Variants in FDFT1 observed in about 807,000 individuals in gnomAD.
The protein encoded by FDFT1 is squalene synthase.
A neutral mutation model predicts 46.8 loss-of-function variants in FDFT1; 68 were observed. The ratio of observed to expected loss-of-function variants is 1.45; its 90% CI spans 1.19 to 1.78. The LOEUF (loss-of-function observed/expected upper bound fraction) is 1.78, where lower values mean the gene tolerates loss of function less well. Ranked by LOEUF, FDFT1 falls within the 40% of genes most tolerant of loss-of-function variation. The pLI, the probability that FDFT1 is intolerant of heterozygous loss-of-function variation, is 0.00. For missense variants in FDFT1, 928 were observed against 524.4 expected, an observed-to-expected ratio of 1.77 and a Z score of -7.52; for synonymous variants, 351 against 185.1, an observed-to-expected ratio of 1.90 and a Z score of -7.28.
intron 3 of FDFT1, among the ~76,000 whole-genome samples, chr8:11,815,019 G>GC (rs1169161395): frequency 6.6e-6 from 1 of 151,924 alleles, no homozygotes; most frequent in Non-Finnish European, 1.5e-5. Flanking sequence ...CCCTCCCTTG[G>GC]CCCCCCACCC....
intron 4 of FDFT1, among the ~76,000 whole-genome samples, chr8:11,823,616 C>G (rs980814463): frequency 2.0e-5 from 3 of 152,074 alleles, no homozygotes; most frequent in Non-Finnish European, 4.4e-5. Context: ...ACTCTGTCAC[C>G]CAGACTGGAA....
chr8:11,798,421 T>C (rs549374102), upstream of FDFT1, among the ~76,000 whole-genome samples: 71 of 152,262 alleles, frequency 4.7e-4, no homozygotes, highest in Middle Eastern at 3.4e-3. Context: ...GGAAGTCAAC[T>C]TCAACATGGT....
At chr8:11,835,720 C>G (rs533720742) in intron 7 of FDFT1, among the ~76,000 whole-genome samples, 4 of 152,032 alleles carry the variant, frequency 2.6e-5, no homozygotes, top group Non-Finnish European at 4.4e-5. Context: ...GAAATAAAGT[C>G]ATAGGAGCCA....
chr8:11,800,843 T>A (rs1163553404), upstream of FDFT1, among the ~76,000 whole-genome samples: 1 of 152,352 alleles, frequency 6.6e-6, no homozygotes, highest in African/African-American at 2.4e-5. Context: ...TTTTATACCG[T>A]CATGGCTGGA....
intron 3 of FDFT1, among the ~76,000 whole-genome samples, chr8:11,814,300 G>GTTTT (rs368859890): frequency 1.2e-4 from 16 of 137,996 alleles, no homozygotes; most frequent in African/African-American, 4.0e-4. Flanking sequence ...GATTTTATAG[G>GTTTT]TTTTTTTTTT....
intron 7 of FDFT1, among the ~76,000 whole-genome samples, chr8:11,834,896 G>T (rs1811327554): frequency 6.6e-6 from 1 of 152,206 alleles, no homozygotes; most frequent in Non-Finnish European, 1.5e-5. Context: ...GGCTGAGGCA[G>T]GCAGATCACT....
At chr8:11,825,194 A>G (rs1030545987) in intron 4 of FDFT1, among the ~76,000 whole-genome samples, 16 of 152,206 alleles carry the variant, frequency 1.1e-4, no homozygotes, top group African/African-American at 3.6e-4. Flanking sequence ...TGTTACCAGA[A>G]TATTCCATCT....
rs566602715 is a variant in FDFT1 at position 11,809,144 on chromosome 8, C to T, written c.197+253C>T. The stretch of plus-strand genomic sequence containing the variant: ...GTGATGTTTATTAACTTTTTTTAGT[C>T]TTGGCAGCTGAACCTGCCTGTGAGC... On this transcript the variant is annotated intron_variant, in intron 2 of 7. Coordinates refer to ENST00000220584, the MANE Select transcript of FDFT1 (RefSeq NM_004462.5). 1.5e-3 allele frequency: 2,012 copies of T among 1,308,192 alleles called. 13 individuals carry two copies. The highest frequency in any genetic ancestry group is 1.2e-3 in the Non-Finnish European group (1,258 of 1,026,916). The allele number at this position is 1,308,192 out of a possible 1,614,324, so 81.0% of individuals were successfully genotyped here.
At chr8:11,802,514 T>G (rs1806246542), upstream of FDFT1, 1 of 518,900 alleles carries the variant, frequency 1.9e-6, no homozygotes, top group African/African-American at 1.9e-5. Context: ...CTCGTCGGCC[T>G]CTTTCTCGGC....
chr8:11,821,023 C>G (rs769223686), intron 3 of FDFT1, among the ~76,000 whole-genome samples: 1 of 152,200 alleles, frequency 6.6e-6, no homozygotes, highest in Non-Finnish European at 1.5e-5. Context: ...GTCTGAGTTT[C>G]TGTTTGTTGC....
chr8:11,816,095 G>C (rs1808410733), intron 3 of FDFT1, among the ~76,000 whole-genome samples: 1 of 152,180 alleles, frequency 6.6e-6, no homozygotes, highest in Admixed American at 6.5e-5. Context: ...TGGCAAGCCA[G>C]GTTTCCCAGC....
In FDFT1 at chr8:11,803,251, C is replaced by A. The variant is rs559723141; in HGVS notation, c.99+320C>A. 5.1e-6 allele frequency: 7 copies of A among 1,369,634 alleles called. No individual in the cohort carries two copies. In the South Asian group the frequency reaches 7.3e-5, roughly 14 times the overall value. The allele number at this position is 1,369,634 out of a possible 1,614,324, so 84.8% of individuals were successfully genotyped here. Reference sequence around the variant, plus strand: ...GTATTTTAACCCGAGGGTTACACATCTGAGGCAATGTGGGTGGGTTACGCG... The same window carrying A: ...GTATTTTAACCCGAGGGTTACACATATGAGGCAATGTGGGTGGGTTACGCG... On this transcript the variant is annotated intron_variant, in intron 1 of 7. Coordinates refer to ENST00000220584, the MANE Select transcript of FDFT1 (RefSeq NM_004462.5).
At chr8:11,821,963 G>C in intron 4 of FDFT1, 85 bp downstream of exon 4, 1 of 1,517,558 alleles carries the variant, frequency 6.6e-7, no homozygotes, top group Middle Eastern at 1.8e-4. Context: ...AAGAAAAGTT[G>C]TCCAGTATTT....
upstream of FDFT1, chr8:11,801,730 G>C: frequency 3.2e-6 from 1 of 313,588 alleles, no homozygotes; most frequent in South Asian, 2.4e-5. Flanking sequence ...GTCTTGCTCT[G>C]TTGGCCTGGC....
chr8:11,803,857 T>C (rs1806460918), intron 1 of FDFT1: 1 of 154,828 alleles, frequency 6.5e-6, no homozygotes, highest in South Asian at 1.9e-4. Flanking sequence ...CATTTGGTGT[T>C]ATTTTTCACG....
At chr8:11,829,907 G>A (rs949610231) in intron 5 of FDFT1, among the ~76,000 whole-genome samples, 3 of 148,498 alleles carry the variant, frequency 2.0e-5, no homozygotes, top group African/African-American at 5.3e-5. Context: ...GAGTGCAATG[G>A]CGAGATCTTG....
chr8:11,795,721 C>G (rs534726265), exon 1 of FDFT1: 1 of 152,164 alleles, frequency 6.6e-6, no homozygotes, highest in East Asian at 1.9e-4. Context: ...ACTCCTGAAG[C>G]CAGTAAGACA....
chr8:11,797,608 A>G (rs963109738), upstream of FDFT1, among the ~76,000 whole-genome samples: 166 of 139,620 alleles, frequency 1.2e-3, no homozygotes, highest in Non-Finnish European at 2.1e-3. Flanking sequence ...CCTGGACAAC[A>G]TAAGACCCTG....
At position 11,825,371 on chromosome 8, in the gene FDFT1, G is replaced by A. The variant is rs189767341; in HGVS notation, c.511-653G>A. Among the ~76,000 whole-genome samples, 7 of 151,842 alleles carry A rather than the reference G, an allele frequency of 4.6e-5. No individual in the cohort carries two copies. In the East Asian group the frequency reaches 7.7e-4, roughly 17 times the overall value. On this transcript the variant is annotated intron_variant, in intron 4 of 7. Transcript: ENST00000220584. The stretch of plus-strand genomic sequence containing the variant: ...AGCGTGGCCAACATGGTGAAACCCC[G>A]TCTCTACTAAAAATAAAAAATTAGC...
Sources: allele counts gnomAD v4.1 joint callset (sites outside exome capture counted in the v4.1 genomes callset), GRCh38; gene constraint gnomAD v4.1.1; transcripts MANE v1.5; gene names NCBI Gene and HGNC (gene_info 2026-07-23, HGNC 2026-07-21).